The following KNDC1 variants were observed in gnomAD, a reference collection of about 807,000 sequenced individuals.
KNDC1 encodes kinase non-catalytic C-lobe domain-containing protein 1.
A neutral mutation model predicts 172.8 loss-of-function variants in KNDC1; 106 were observed. The ratio of observed to expected loss-of-function variants is 0.61; its 90% CI spans 0.52 to 0.72. KNDC1 has a LOEUF of 0.72. KNDC1 is among the 30% of genes least tolerant of loss of function. The probability of loss-of-function intolerance (pLI) is 0.00; values close to 1 mark genes in which losing one functional copy is unlikely to be tolerated. For missense variants in KNDC1, 2,325 were observed against 2,394.5 expected, an observed-to-expected ratio of 0.97 and a Z score of 0.61; for synonymous variants, 1,083 against 1,062.2, an observed-to-expected ratio of 1.02 and a Z score of -0.38.
chr10:133,192,012 G>A (rs925046089), intron 9 of KNDC1, among the ~76,000 whole-genome samples: 3 of 152,220 alleles, frequency 2.0e-5, no homozygotes, highest in African/African-American at 7.2e-5. Context: ...GACCACACCA[G>A]CAAGTGGAAA....
chr10:133,161,162 C>T (rs12254518), intron 1 of KNDC1, among the ~76,000 whole-genome samples: 268 of 152,324 alleles, frequency 1.8e-3, no homozygotes, highest in African/African-American at 6.1e-3. Context: ...GCACCGGCTG[C>T]CCAGACGCCA....
chr10:133,196,996 AC>A, intron 10 of KNDC1, 61 bp from the exon 11 acceptor site: 1 of 1,353,926 alleles, frequency 7.4e-7, no homozygotes, highest in Non-Finnish European at 1.1e-6. Context: ...ACCCAGTGAC[AC>A]GGGGACGGTG....
At chr10:133,183,783 C>T in intron 4 of KNDC1, 89 bp from the exon 5 acceptor site, 1 of 1,081,684 alleles carries the variant, frequency 9.2e-7, no homozygotes. Flanking sequence ...CCCCAGGTCA[C>T]CTTCAAAGGA....
intron 3 of KNDC1, among the ~76,000 whole-genome samples, chr10:133,174,534 A>C (rs1276803076): frequency 2.0e-5 from 3 of 152,236 alleles, no homozygotes; most frequent in Non-Finnish European, 4.4e-5. Context: ...TTATTTTCTA[A>C]ATAAATGGAT....
chr10:133,181,138 C>T (rs1005297765), intron 3 of KNDC1, among the ~76,000 whole-genome samples: 12 of 151,714 alleles, frequency 7.9e-5, no homozygotes, highest in African/African-American at 2.2e-4. Context: ...CACCCACTGA[C>T]GCCACATGGG....
intron 6 of KNDC1, 41 bp downstream of exon 6, chr10:133,186,715 G>T (rs763086309): frequency 6.9e-7 from 1 of 1,454,782 alleles, no homozygotes; most frequent in Non-Finnish European, 9.2e-7. Flanking sequence ...GGGGTCGGCG[G>T]TCAGTGAGTC....
chr10:133,166,284 G>A lies in KNDC1; in HGVS notation c.103-1097G>A, dbSNP rs191018988. 8.2e-4 allele frequency among the ~76,000 whole-genome samples: 125 copies of A among 152,336 alleles called. 2 individuals carry two copies. In the East Asian group the frequency reaches 0.022, roughly 27 times the overall value. On this transcript the variant is annotated intron_variant, in intron 1 of 29. Transcript: ENST00000304613. ...GGGCCCCACCCATAGTGTCCAGGCT[G>A]CAGCCCCCGGCCACCCCCTCCTACC...
In KNDC1 at chr10:133,211,871, C is replaced by A; in HGVS notation, c.4236+13C>A. On this transcript the variant is annotated intron_variant, in intron 23 of 29. Coordinates refer to ENST00000304613, the MANE Select transcript of KNDC1 (RefSeq NM_152643.8). Reference sequence around the variant, plus strand: ...CATCTCCAGGAAGGTGGGGTCCTTTCTCAGGGGAGGTCCTCCCTGGACAGG... The same window carrying A: ...CATCTCCAGGAAGGTGGGGTCCTTTATCAGGGGAGGTCCTCCCTGGACAGG... 6.3e-7 allele frequency: 1 copy of A among 1,599,926 alleles called. No homozygotes were observed.
chr10:133,191,844 C>A (rs1473304934), intron 9 of KNDC1, among the ~76,000 whole-genome samples: 1 of 152,244 alleles, frequency 6.6e-6, no homozygotes, highest in African/African-American at 2.4e-5. Flanking sequence ...AAGGGCCGAG[C>A]CTGGAGCCTG....
At position 133,211,693 on chromosome 10, in the gene KNDC1, C is replaced by A; in HGVS notation, c.4071C>A (p.Asp1357Glu). ...CTTCTGCCTAGATCCTACCCCTGGACGGCTCTGCCAAGCACCTGCTGGGCC... is the reference window on the plus strand; with the variant it reads ...CTTCTGCCTAGATCCTACCCCTGGAAGGCTCTGCCAAGCACCTGCTGGGCC... ...DFISSKILPL[D>E]GSAKHLLGLL... Residue 1357 changes from aspartate to glutamate, a missense_variant, in exon 23 of 30, where the codon GAC becomes GAA. Coordinates refer to ENST00000304613, the MANE Select transcript of KNDC1 (RefSeq NM_152643.8). 1 of 1,599,104 alleles carries A rather than the reference C, an allele frequency of 6.3e-7. No individual in the cohort carries two copies. The highest frequency in any genetic ancestry group is 8.5e-7 in the Non-Finnish European group (1 of 1,172,132).
intron 9 of KNDC1, among the ~76,000 whole-genome samples, chr10:133,193,512 C>T (rs567476294): frequency 4.6e-5 from 7 of 151,330 alleles, no homozygotes; most frequent in South Asian, 4.2e-4. Flanking sequence ...GCGACAAGAG[C>T]GAGACCCTGT....
chr10:133,213,600 C>A, intron 24 of KNDC1, 45 bp from the exon 25 acceptor site: 1 of 1,572,840 alleles, frequency 6.4e-7, no homozygotes, highest in Middle Eastern at 1.7e-4. Flanking sequence ...ACACAAGGCC[C>A]TAAGGGATGG....
At position 133,209,624 on chromosome 10, in the gene KNDC1, G is replaced by A. The variant is rs1460703701; in HGVS notation, c.3795-987G>A. ...TTGTACAGTTTGTGGCTTGCATGGC[G>A]TGAGTGTGAGTGCTGTGCTTCCATG... On this transcript the variant is annotated intron_variant, in intron 20 of 29. Coordinates refer to ENST00000304613, the MANE Select transcript of KNDC1 (RefSeq NM_152643.8). The surrounding 1 kb of genome is among the most constrained non-coding windows in gnomAD (Gnocchi z 4.9). Among the ~76,000 whole-genome samples the A allele has an allele frequency of 2.0e-5, 3 of 152,146 alleles. No individual in the cohort carries two copies. The highest frequency in any genetic ancestry group is 4.4e-5 in the Non-Finnish European group (3 of 67,966).
chr10:133,207,352 G>T lies in KNDC1; in HGVS notation c.3794+1G>T. 6.2e-7 allele frequency: 1 copy of T among 1,611,882 alleles called. No homozygotes were observed. Among genetic ancestry groups the T allele is most frequent in the Non-Finnish European group, 8.5e-7 (1 of 1,179,258 alleles). On this transcript the variant is annotated splice_donor_variant, in intron 20 of 29. Coordinates refer to ENST00000304613, the MANE Select transcript of KNDC1 (RefSeq NM_152643.8). LOFTEE classifies it high-confidence loss of function. ...GGCTCATGGCCTACCTGTACTCCAG[G>T]TGCGTTGGGAGAAAAGCTCACCCGG...
intron 20 of KNDC1, among the ~76,000 whole-genome samples, chr10:133,208,630 G>A (rs573138008): frequency 6.6e-6 from 1 of 152,164 alleles, no homozygotes; most frequent in Non-Finnish European, 1.5e-5. Flanking sequence ...TGGTCACATG[G>A]GGCCACCTAC....
intron 6 of KNDC1, among the ~76,000 whole-genome samples, chr10:133,188,336 A>G (rs924582377): frequency 2.6e-5 from 4 of 152,154 alleles, no homozygotes; most frequent in African/African-American, 9.7e-5. Flanking sequence ...TCCCACCCAC[A>G]GGGCCAAGGG....
rs74164121 is a variant in KNDC1 at position 133,212,408 on chromosome 10, G to A, written c.4237-308G>A. On this transcript the variant is annotated intron_variant, in intron 23 of 29. Transcript: ENST00000304613. ...CCATCCCGGGTGCTCAGGGGAGGAG[G>A]GTCCTGCTGTGACTCATTGACCCAC... Among the ~76,000 whole-genome samples the A allele has an allele frequency of 6.0e-3, 910 of 152,352 alleles. 13 individuals are homozygous for A. The highest frequency in any genetic ancestry group is 0.02 in the African/African-American group (849 of 41,592).
Position 133,160,445 on chromosome 10 carries a change from G to A in KNDC1, c.-23G>A, listed in dbSNP as rs370935373. ...CCCAGCCCAGCCGGAGGCCCCGGGG[G>A]CGGTGCGCGGCGCGGCCGCAGGATG... On this transcript the variant is annotated 5_prime_UTR_variant, in exon 1 of 30. Transcript: ENST00000304613. 243 of 1,483,834 alleles carry A rather than the reference G, an allele frequency of 1.6e-4. No individual in the cohort carries two copies. In the African/African-American group the frequency reaches 3.0e-3, roughly 18 times the overall value. The allele number at this position is 1,483,834 out of a possible 1,614,324, so 91.9% of individuals were successfully genotyped here.
At chr10:133,212,253 A>G (rs574203426) in intron 23 of KNDC1, among the ~76,000 whole-genome samples, 1 of 150,872 alleles carries the variant, frequency 6.6e-6, no homozygotes, top group Non-Finnish European at 1.5e-5. Context: ...CAATCCACAC[A>G]TGCACACACG....
Sources: allele counts gnomAD v4.1 joint callset (sites outside exome capture counted in the v4.1 genomes callset), GRCh38; gene constraint gnomAD v4.1.1; non-coding constraint Gnocchi (gnomAD v3.1); transcripts MANE v1.5; gene names NCBI Gene and HGNC (gene_info 2026-07-23, HGNC 2026-07-21).